TTLL5: variants seen among roughly 807,000 people sequenced by gnomAD.
The protein encoded by TTLL5 is tubulin tyrosine ligase like 5.
A neutral mutation model predicts 168.4 loss-of-function variants in TTLL5; 132 were observed. The ratio of observed to expected loss-of-function variants is 0.78; its 90% confidence interval spans 0.68 to 0.91. The LOEUF is 0.91. Among genes scored for constraint, TTLL5 ranks in the 40% least tolerant of loss-of-function variants. The probability of loss-of-function intolerance (pLI) is 0.00; values close to 1 mark genes in which losing one functional copy is unlikely to be tolerated. For synonymous variants in TTLL5, 546 were observed against 558.6 expected, an observed-to-expected ratio of 0.98 and a Z score of 0.32; for missense variants, 1,545 against 1,581.5, an observed-to-expected ratio of 0.98 and a Z score of 0.39.
At chr14:75,944,374 G>A (rs943451381) in intron 31 of TTLL5, among the ~76,000 whole-genome samples, 1 of 152,066 alleles carries the variant, frequency 6.6e-6, no homozygotes, top group Non-Finnish European at 1.5e-5. Context: ...CCCCTAGACT[G>A]CCCATCAGTG....
chr14:75,683,747 A>G (rs1163452303), intron 5 of TTLL5, 91 bp downstream of exon 5: 2 of 974,880 alleles, frequency 2.1e-6, no homozygotes, highest in Admixed American at 4.4e-5. Context: ...CTTAAAGAAG[A>G]GGAAGATGAA....
chr14:75,949,770 A>G (rs1031143334), intron 31 of TTLL5, among the ~76,000 whole-genome samples: 1 of 151,832 alleles, frequency 6.6e-6, no homozygotes, highest in Non-Finnish European at 1.5e-5. Context: ...GAATCGCTTG[A>G]ACCCAGGAGA....
intron 31 of TTLL5, among the ~76,000 whole-genome samples, chr14:75,903,577 G>T (rs1333976341): frequency 6.6e-6 from 1 of 152,042 alleles, no homozygotes; most frequent in Non-Finnish European, 1.5e-5. Flanking sequence ...GTCAGGGATT[G>T]ACATAATACA....
chr14:75,709,480 A>G, intron 9 of TTLL5: 1 of 375,070 alleles, frequency 2.7e-6, no homozygotes, highest in Non-Finnish European at 5.0e-6. Context: ...AACATTGGAG[A>G]CTACCAAAAC....
chr14:75,666,120 A>AT (rs1883241424), intron 2 of TTLL5, among the ~76,000 whole-genome samples: 1 of 152,098 alleles, frequency 6.6e-6, no homozygotes, highest in South Asian at 2.1e-4. Context: ...TATTTTTTAC[A>AT]TTAGGAAGCT....
At chr14:75,813,923 C>A (rs562655343) in intron 27 of TTLL5, among the ~76,000 whole-genome samples, 1 of 151,916 alleles carries the variant, frequency 6.6e-6, no homozygotes, top group Admixed American at 6.6e-5. Flanking sequence ...GTTGGCAAGC[C>A]TAGATTTAAT....
chr14:75,911,950 G>T (rs989129206), intron 31 of TTLL5, among the ~76,000 whole-genome samples: 5 of 152,234 alleles, frequency 3.3e-5, no homozygotes, highest in African/African-American at 1.2e-4. Context: ...TGGAAGGGAA[G>T]TTGTTGTACA....
chr14:75,929,030 C>T (rs1595288812), intron 31 of TTLL5, among the ~76,000 whole-genome samples: 3 of 147,320 alleles, frequency 2.0e-5, no homozygotes, highest in African/African-American at 5.0e-5. Flanking sequence ...TTCGTGGCCA[C>T]GGAGCAGCTG....
intron 3 of TTLL5, among the ~76,000 whole-genome samples, chr14:75,681,258 T>A (rs1286275125): frequency 6.6e-6 from 1 of 152,190 alleles, no homozygotes; most frequent in Non-Finnish European, 1.5e-5. Flanking sequence ...TCACAGATAA[T>A]GTTAATACTG....
At chr14:75,926,574 A>G (rs2034078905) in intron 31 of TTLL5, among the ~76,000 whole-genome samples, 1 of 152,242 alleles carries the variant, frequency 6.6e-6, no homozygotes. Flanking sequence ...AAGATGCATC[A>G]TTAGTCATTA....
At chr14:75,928,625 T>C (rs2034166461) in intron 31 of TTLL5, among the ~76,000 whole-genome samples, 1 of 151,948 alleles carries the variant, frequency 6.6e-6, no homozygotes, top group South Asian at 2.1e-4. Flanking sequence ...GACAACTTCC[T>C]AATGGCGTGA....
intron 28 of TTLL5, among the ~76,000 whole-genome samples, chr14:75,855,931 A>G (rs1897104170): frequency 6.6e-6 from 1 of 152,250 alleles, no homozygotes. Flanking sequence ...AATATGACCT[A>G]TCCTCAGAAT....
At chr14:75,865,685 T>C (rs2030462823) in intron 29 of TTLL5, among the ~76,000 whole-genome samples, 1 of 152,214 alleles carries the variant, frequency 6.6e-6, no homozygotes, top group Non-Finnish European at 1.5e-5. Flanking sequence ...GTCCTTCTCA[T>C]AGTTTTGATT....
intron 31 of TTLL5, among the ~76,000 whole-genome samples, chr14:75,904,759 T>G (rs1320549992): frequency 2.0e-5 from 3 of 152,222 alleles, no homozygotes. Context: ...TACTTACTGC[T>G]TTTGTCACCA....
chr14:75,702,746 C>G (rs954664094), intron 7 of TTLL5, among the ~76,000 whole-genome samples: 5 of 152,070 alleles, frequency 3.3e-5, no homozygotes, highest in African/African-American at 1.2e-4. Context: ...TTTGAGACCC[C>G]CTGCATAGAT....
chr14:75,888,758 A>G (rs2032243500), intron 30 of TTLL5, among the ~76,000 whole-genome samples: 1 of 151,992 alleles, frequency 6.6e-6, no homozygotes, highest in Non-Finnish European at 1.5e-5. Flanking sequence ...ACATGGTAAA[A>G]GCCCGTCTCT....
At chr14:75,768,606 C>T (rs1891100057) in intron 20 of TTLL5, among the ~76,000 whole-genome samples, 1 of 151,374 alleles carries the variant, frequency 6.6e-6, no homozygotes, top group South Asian at 2.1e-4. Context: ...GAGAAGAGTA[C>T]TAAAGGAAGG....
chr14:75,723,006 A>G (rs546737240), intron 12 of TTLL5, among the ~76,000 whole-genome samples: 5 of 152,272 alleles, frequency 3.3e-5, no homozygotes, highest in African/African-American at 1.2e-4. Flanking sequence ...TAACTCTACA[A>G]TAGTATCTGT....
intron 27 of TTLL5, among the ~76,000 whole-genome samples, chr14:75,793,329 T>C (rs549944753): frequency 5.2e-4 from 79 of 152,320 alleles, no homozygotes; most frequent in Admixed American, 6.5e-4. Flanking sequence ...GGATATGATG[T>C]ACCTATTTCA....
Sources: gnomAD v4.1 joint callset for allele counts (sites outside exome capture counted in the v4.1 genomes callset) on GRCh38, gnomAD v4.1.1 for gene constraint, MANE v1.5 for transcripts, NCBI Gene and HGNC (gene_info 2026-07-23, HGNC 2026-07-21) for gene names.